The following MAPK8IP1 variants were observed in gnomAD, a reference collection of about 807,000 sequenced individuals.
The protein encoded by MAPK8IP1 is mitogen-activated protein kinase 8 interacting protein 1.
In MAPK8IP1, 17 loss-of-function variants were observed where a neutral mutation model predicts 72.6. The observed-to-expected ratio is 0.23, with a 90% CI of 0.16 to 0.35. MAPK8IP1 has a LOEUF of 0.35. MAPK8IP1 is among the 10% of genes least tolerant of loss of function. The pLI, the probability that MAPK8IP1 is intolerant of heterozygous loss-of-function variation, is 1.00. For missense variants in MAPK8IP1, 789 were observed against 1,009.7 expected (o/e 0.78, Z 2.96); for synonymous variants, 401 against 443.4 (o/e 0.90, Z 1.20).
chr11:45,901,931 G>C, intron 3 of MAPK8IP1, 49 bp from the exon 4 acceptor site: 4 of 1,451,978 alleles, frequency 2.8e-6, no homozygotes, highest in Non-Finnish European at 3.9e-6. Context: ...TCCCTGTGCC[G>C]GGCACTGTTG....
At chr11:45,895,390 C>T (rs562753120) in intron 1 of MAPK8IP1, among the ~76,000 whole-genome samples, 54 of 152,140 alleles carry the variant, frequency 3.5e-4, no homozygotes, top group Middle Eastern at 3.4e-3. Context: ...GAAGCCGAGG[C>T]GAGCAGATCA....
In MAPK8IP1 at chr11:45,903,538, C is replaced by A; in HGVS notation, c.1493+98C>A. 2.0e-6 allele frequency: 2 copies of A among 1,017,568 alleles called. No homozygotes were observed. The highest frequency in any genetic ancestry group is 1.4e-5 in the South Asian group (1 of 73,440). 63.0% of individuals were successfully genotyped at this position (1,017,568 alleles called of 1,614,324 possible). A position where few individuals can be genotyped will look rare whatever the true frequency, so the allele number is the denominator to read the frequency against. ...CTACATGGCCTCAGCCTAACCCCTG[C>A]CATCAGCCTTCATTTATCCACTCAG... On this transcript the variant is annotated intron_variant, in intron 6 of 11. Transcript: ENST00000241014. This position sits in a 1 kb window ranked among gnomAD's most constrained non-coding sequence, Gnocchi z 6.4.
Position 45,902,669 on chromosome 11 carries a change from C to T in MAPK8IP1, c.902C>T (p.Pro301Leu), listed in dbSNP as rs748311258. ...DAAEPTSAFL[P>L]PTESRMSVSS... ...GCAGAGCCCACCTCCGCCTTCCTGC[C>T]GCCCACTGAGAGCCGGATGTCAGTC... Residue 301 changes from proline (P) to leucine (L), a missense_variant, in exon 5 of 12, where the codon CCG (proline) becomes CTG (leucine). By Grantham distance (98) the Pro-to-Leu change is moderately conservative. Transcript: ENST00000241014. This position sits in a 1 kb window ranked among gnomAD's most constrained non-coding sequence, Gnocchi z 9.3. 2.2e-5 allele frequency: 35 copies of T among 1,612,122 alleles called. No individual in the cohort carries two copies. The highest frequency in any genetic ancestry group is 1.6e-4 in the Middle Eastern group (1 of 6,084).
chr11:45,889,431 A>T (rs2086550095), intron 1 of MAPK8IP1, among the ~76,000 whole-genome samples: 1 of 152,362 alleles, frequency 6.6e-6, no homozygotes, highest in African/African-American at 2.4e-5. Context: ...AAGAAAATTC[A>T]AAATTAAAGT....
In MAPK8IP1 at chr11:45,885,710, T is replaced by G; in HGVS notation, c.-111T>G. 2 of 516,282 alleles carry G rather than the reference T, an allele frequency of 3.9e-6. No individual in the cohort carries two copies. The highest frequency in any genetic ancestry group is 5.6e-4 in the Middle Eastern group (1 of 1,784). The allele number at this position is 516,282 out of a possible 1,614,324, so 32.0% of individuals were successfully genotyped here. On this transcript the variant is annotated 5_prime_UTR_variant, in exon 1 of 12. Coordinates refer to ENST00000241014, the MANE Select transcript of MAPK8IP1 (RefSeq NM_005456.4). The stretch of plus-strand genomic sequence containing the variant: ...CCTGCCAGACACAGGTGCGCCCGCC[T>G]AGCCCGAACTCCGCGGCGGCGGCTG...
At position 45,900,173 on chromosome 11, in the gene MAPK8IP1, C is replaced by A; in HGVS notation, c.243C>A (p.Gly81=). 1 of 1,311,590 alleles carries A rather than the reference C, an allele frequency of 7.6e-7. No homozygotes were observed. Among genetic ancestry groups the A allele is most frequent in the Non-Finnish European group, 9.6e-7 (1 of 1,037,422 alleles). The allele number at this position is 1,311,590 out of a possible 1,614,324, so 81.2% of individuals were successfully genotyped here. Residue 81 remains glycine (G), a synonymous_variant, in exon 3 of 12, where the codon GGC becomes GGA. Coordinates refer to ENST00000241014, the MANE Select transcript of MAPK8IP1 (RefSeq NM_005456.4). The surrounding 1 kb of genome is among the most constrained non-coding windows in gnomAD (Gnocchi z 6.5). The part of the protein sequence containing the change: ...PRAGLLSAGG[G]GAGSRLQAEM... ...CCGGGCTGCTCTCTGCGGGCGGCGG[C>A]GGCGCGGGGAGCCGGTTGCAGGCCG...
At position 45,904,010 on chromosome 11, in the gene MAPK8IP1, C is replaced by A; in HGVS notation, c.1515C>A (p.Asp505Glu). The A allele has an allele frequency of 1.2e-6, 2 of 1,613,652 alleles. No individual in the cohort carries two copies. Among genetic ancestry groups the A allele is most frequent in the Non-Finnish European group, 1.7e-6 (2 of 1,179,976 alleles). The stretch of plus-strand genomic sequence containing the variant: ...ACAGGTTTGTGCCTCGACACGAAGA[C>A]GAACTTGAGCTGGAAGTGGATGACC... The part of the protein sequence containing the change: ...AIFRFVPRHE[D>E]ELELEVDDPL... The change falls in exon 7 of 12, where the codon GAC (aspartate) becomes GAA (glutamate). Residue 505 changes from aspartate (D) to glutamate (E), a missense_variant. By Grantham distance (45) the Asp-to-Glu change is conservative. Coordinates refer to ENST00000241014, the MANE Select transcript of MAPK8IP1 (RefSeq NM_005456.4). The surrounding 1 kb of genome is among the most constrained non-coding windows in gnomAD (Gnocchi z 6.4).
chr11:45,895,904 C>A (rs2086601443), intron 1 of MAPK8IP1, among the ~76,000 whole-genome samples: 1 of 152,102 alleles, frequency 6.6e-6, no homozygotes, highest in Non-Finnish European at 1.5e-5. Flanking sequence ...GGCTTCTGGG[C>A]CAGGCCCTCC....
At chr11:45,899,596 T>G (rs1425887149) in intron 2 of MAPK8IP1, among the ~76,000 whole-genome samples, 1 of 152,186 alleles carries the variant, frequency 6.6e-6, no homozygotes, top group Non-Finnish European at 1.5e-5. Flanking sequence ...GCCAGCTGGC[T>G]TAGGGCGCGG....
At chr11:45,893,232 C>T (rs1001216321) in intron 1 of MAPK8IP1, among the ~76,000 whole-genome samples, 11 of 147,380 alleles carry the variant, frequency 7.5e-5, no homozygotes, top group African/African-American at 3.0e-4. Flanking sequence ...CAGCCTACTA[C>T]GGAGCTGAAA....
At chr11:45,894,949 A>G (rs568306602) in intron 1 of MAPK8IP1, among the ~76,000 whole-genome samples, 1 of 152,268 alleles carries the variant, frequency 6.6e-6, no homozygotes, top group Non-Finnish European at 1.5e-5. Flanking sequence ...AAGGGCTGGG[A>G]GGGCTTCCTG....
chr11:45,889,756 A>G (rs2086552616), intron 1 of MAPK8IP1, among the ~76,000 whole-genome samples: 2 of 152,056 alleles, frequency 1.3e-5, no homozygotes, highest in Admixed American at 1.3e-4. Flanking sequence ...CAAAGCTGGG[A>G]TAGAGCCAGG....
chr11:45,903,525 AGCCTAACCCC>A lies in MAPK8IP1; in HGVS notation c.1493+86_1493+95del. 1.7e-6 allele frequency: 2 copies of A among 1,163,294 alleles called. No homozygotes were observed. The highest frequency in any genetic ancestry group is 2.5e-6 in the Non-Finnish European group (2 of 802,316). The allele number at this position is 1,163,294 out of a possible 1,614,324, so 72.1% of individuals were successfully genotyped here. ...CTACTTGTCACCCCTACATGGCCTC[AGCCTAACCCC>A]TGCCATCAGCCTTCATTTATCCACT... On this transcript the variant is annotated intron_variant, in intron 6 of 11. Coordinates refer to ENST00000241014, the MANE Select transcript of MAPK8IP1 (RefSeq NM_005456.4). The surrounding 1 kb of genome is among the most constrained non-coding windows in gnomAD (Gnocchi z 6.4).
At position 45,904,642 on chromosome 11, in the gene MAPK8IP1, G is replaced by A. The variant is rs1413451462; in HGVS notation, c.1777-76G>A. ...GACGCAGGTGTCTAGAGGCAGTAAA[G>A]GGCTCAGGCCCTGGGACAGGAGGGA... On this transcript the variant is annotated intron_variant, in intron 8 of 11. Coordinates refer to ENST00000241014, the MANE Select transcript of MAPK8IP1 (RefSeq NM_005456.4). The surrounding 1 kb of genome is among the most constrained non-coding windows in gnomAD (Gnocchi z 6.4). 8.1e-6 allele frequency: 13 copies of A among 1,598,918 alleles called. No individual in the cohort carries two copies. Among genetic ancestry groups the A allele is most frequent in the Non-Finnish European group, 1.0e-5 (12 of 1,166,660 alleles).
rs556471659 is a variant in MAPK8IP1 at position 45,901,866 on chromosome 11, G to T, written c.523-114G>T. ...GAGTGAGGCCTTTGACAGTGGAGGC[G>T]GGGTGGACACAGCAAATGGCCCTAG... On this transcript the variant is annotated intron_variant, in intron 3 of 11. Coordinates refer to ENST00000241014, the MANE Select transcript of MAPK8IP1 (RefSeq NM_005456.4). The T allele has an allele frequency of 4.9e-6, 4 of 818,462 alleles. No homozygotes were observed. In the African/African-American group the frequency reaches 6.7e-5, roughly 14 times the overall value. The allele number at this position is 818,462 out of a possible 1,614,324, so 50.7% of individuals were successfully genotyped here. A position where few individuals can be genotyped will look rare whatever the true frequency, so the allele number is the denominator to read the frequency against.
Position 45,902,135 on chromosome 11 carries a change from TAC to T in MAPK8IP1, c.604+76_604+77del. ...AGTCCCCACTACAGAGAGCAAACCCTACAGTCTCCAAAGGGCTGAGTAGAGGT... is the reference window on the plus strand; with the variant it reads ...AGTCCCCACTACAGAGAGCAAACCCTAGTCTCCAAAGGGCTGAGTAGAGGT... On this transcript the variant is annotated intron_variant, in intron 4 of 11. Transcript: ENST00000241014. The surrounding 1 kb of genome is among the most constrained non-coding windows in gnomAD (Gnocchi z 9.3). The T allele has an allele frequency of 7.4e-7, 1 of 1,353,926 alleles. No individual in the cohort carries two copies. Among genetic ancestry groups the T allele is most frequent in the Non-Finnish European group, 1.1e-6 (1 of 942,544 alleles). 83.9% of individuals were successfully genotyped at this position (1,353,926 alleles called of 1,614,324 possible).
rs2086675868 is a variant in MAPK8IP1, at chr11:45,903,548, T to G, written c.1493+108T>G. 1.1e-6 allele frequency: 1 copy of G among 933,016 alleles called. No homozygotes were observed. Among genetic ancestry groups the G allele is most frequent in the African/African-American group, 1.6e-5 (1 of 61,568 alleles). The allele number at this position is 933,016 out of a possible 1,614,324, so 57.8% of individuals were successfully genotyped here. On this transcript the variant is annotated intron_variant, in intron 6 of 11. Coordinates refer to ENST00000241014, the MANE Select transcript of MAPK8IP1 (RefSeq NM_005456.4). The surrounding 1 kb of genome is among the most constrained non-coding windows in gnomAD (Gnocchi z 6.4). ...TCAGCCTAACCCCTGCCATCAGCCT[T>G]CATTTATCCACTCAGCCCTGGGAGG... is the stretch of plus-strand genomic sequence containing the variant.
At chr11:45,895,332 C>T (rs939249063) in intron 1 of MAPK8IP1, among the ~76,000 whole-genome samples, 3 of 152,040 alleles carry the variant, frequency 2.0e-5, no homozygotes, top group Admixed American at 1.3e-4. Context: ...CAGATGTGTG[C>T]AGGGGGGCTG....
chr11:45,901,634 G>C (rs1234181917), intron 3 of MAPK8IP1, among the ~76,000 whole-genome samples: 2 of 152,124 alleles, frequency 1.3e-5, no homozygotes, highest in Non-Finnish European at 2.9e-5. Flanking sequence ...GTCTGACTGT[G>C]TCTCCAGAGA....
Sources: allele counts gnomAD v4.1 joint callset (sites outside exome capture counted in the v4.1 genomes callset), GRCh38; gene constraint gnomAD v4.1.1; non-coding constraint Gnocchi (gnomAD v3.1); transcripts MANE v1.5; gene names NCBI Gene and HGNC (gene_info 2026-07-23, HGNC 2026-07-21).